Variants in IFT43 observed in about 807,000 individuals in gnomAD.
The protein encoded by IFT43 is intraflagellar transport 43.
IFT43 carries 33 observed loss-of-function variants against 32.3 expected under a neutral mutation model. That is an observed-to-expected ratio of 1.02 (90% CI 0.77 to 1.37). The LOEUF (loss-of-function observed/expected upper bound fraction) is 1.37, where lower values mean the gene tolerates loss of function less well. IFT43 is among the 40% of genes most tolerant of loss of function. IFT43 has a pLI of 0.00. For synonymous variants in IFT43, 93 were observed against 98.2 expected, an observed-to-expected ratio of 0.95 and a Z score of 0.31; for missense variants, 274 against 265.9, an observed-to-expected ratio of 1.03 and a Z score of -0.21.
chr14:76,022,568 T>C, intron 3 of IFT43, 174 bp downstream of exon 3: 1 of 508,206 alleles, frequency 2.0e-6, no homozygotes, highest in Admixed American at 3.6e-5. Context: ...CACAGAGTTG[T>C]GCAACCATTA....
chr14:76,060,131 G>A lies in IFT43; in HGVS notation c.295+758G>A, dbSNP rs376965079. On this transcript the variant is annotated intron_variant, in intron 5 of 8. Coordinates refer to ENST00000314067, the MANE Select transcript of IFT43 (RefSeq NM_001102564.3). The stretch of plus-strand genomic sequence containing the variant: ...GTGGAAGCCTATGTTCAAATATCAG[G>A]AGAAAAGATGAAGTTTGTGTGTGTC... 9.2e-5 allele frequency among the ~76,000 whole-genome samples: 14 copies of A among 152,346 alleles called. No individual in the cohort carries two copies. The Middle Eastern group carries it at 0.01, about 111-fold the overall frequency.
intron 2 of IFT43, among the ~76,000 whole-genome samples, chr14:76,003,671 C>T (rs532929671): frequency 5.9e-5 from 9 of 151,994 alleles, no homozygotes; most frequent in Admixed American, 2.6e-4. Context: ...AATGTGAGAC[C>T]CTTGCAGCCA....
At chr14:76,063,398 C>T (rs977504248) in intron 5 of IFT43, among the ~76,000 whole-genome samples, 1 of 152,214 alleles carries the variant, frequency 6.6e-6, no homozygotes, top group African/African-American at 2.4e-5. Context: ...CCATTAGCTC[C>T]CCAGTCTTTC....
rs2037417200 is a variant in IFT43 at position 76,076,604 on chromosome 14, C to A, written c.296-5691C>A. 9.9e-6 allele frequency: 16 copies of A among 1,614,022 alleles called. No individual in the cohort carries two copies. In the South Asian group the frequency reaches 1.6e-4, roughly 17 times the overall value. On this transcript the variant is annotated intron_variant, in intron 5 of 8. Coordinates refer to ENST00000314067, the MANE Select transcript of IFT43 (RefSeq NM_001102564.3). ...AGTCACTTTCTGTTCTAGCGGTACC[C>A]AAACAGGCAAACAACAGCTGGATCT...
intron 2 of IFT43, among the ~76,000 whole-genome samples, chr14:76,003,025 A>G (rs992225852): frequency 6.6e-6 from 1 of 152,228 alleles, no homozygotes; most frequent in Non-Finnish European, 1.5e-5. Flanking sequence ...TCTTCTTATT[A>G]TGTGACATGT....
intron 2 of IFT43, among the ~76,000 whole-genome samples, chr14:75,999,037 G>A (rs28654581): frequency 0.098 from 14,794 of 151,256 alleles, 729 homozygotes; most frequent in Middle Eastern, 0.19. Context: ...GCCTAGTTCC[G>A]ACATCTCTTT....
At chr14:76,015,299 C>T (rs145813201) in intron 2 of IFT43, among the ~76,000 whole-genome samples, 4 of 152,148 alleles carry the variant, frequency 2.6e-5, no homozygotes, top group African/African-American at 9.7e-5. Flanking sequence ...AGGCATTTCC[C>T]TCTAAATGCC....
chr14:76,070,431 A>C (rs371914132), intron 5 of IFT43, among the ~76,000 whole-genome samples: 1 of 152,218 alleles, frequency 6.6e-6, no homozygotes, highest in African/African-American at 2.4e-5. Context: ...GGAAACCCTG[A>C]TGGCTCAACT....
At position 75,986,258 on chromosome 14, in the gene IFT43, G is replaced by T. The variant is rs938459789; in HGVS notation, c.54+418G>T. On this transcript the variant is annotated intron_variant, in intron 1 of 8. Transcript: ENST00000314067. Reference sequence around the variant, plus strand: ...CGTCGCAGAAGTTCCTGCAAAAGCCGCACTGTTTTATGCATGGAAGGGAGG... The same window carrying T: ...CGTCGCAGAAGTTCCTGCAAAAGCCTCACTGTTTTATGCATGGAAGGGAGG... 20 of 1,288,238 alleles carry T rather than the reference G, an allele frequency of 1.6e-5. 1 individual carries two copies. The Admixed American group carries it at 3.2e-4, about 21-fold the overall frequency. The allele number at this position is 1,288,238 out of a possible 1,614,324, so 79.8% of individuals were successfully genotyped here.
At chr14:76,002,446 G>T (rs1251090799) in intron 2 of IFT43, among the ~76,000 whole-genome samples, 1 of 152,096 alleles carries the variant, frequency 6.6e-6, no homozygotes, top group Non-Finnish European at 1.5e-5. Flanking sequence ...GAAGGAAGTT[G>T]TTAGATGAGG....
chr14:76,071,359 A>C (rs1488639194), intron 5 of IFT43, among the ~76,000 whole-genome samples: 1 of 152,188 alleles, frequency 6.6e-6, no homozygotes, highest in Non-Finnish European at 1.5e-5. Flanking sequence ...TAATCCTCAC[A>C]ATTCTAAGGA....
At chr14:76,033,079 G>C (rs1257240048) in intron 3 of IFT43, among the ~76,000 whole-genome samples, 1 of 152,204 alleles carries the variant, frequency 6.6e-6, no homozygotes, top group Non-Finnish European at 1.5e-5. Flanking sequence ...GAGAAGACAA[G>C]GACAGATCAT....
At chr14:76,051,222 A>G (rs1418824935) in intron 3 of IFT43, among the ~76,000 whole-genome samples, 1 of 147,646 alleles carries the variant, frequency 6.8e-6, no homozygotes, top group African/African-American at 2.5e-5. Flanking sequence ...ACCTAGCGGC[A>G]TATACTAGAT....
intron 5 of IFT43, among the ~76,000 whole-genome samples, chr14:76,071,754 A>G (rs1041394632): frequency 8.5e-5 from 13 of 152,224 alleles, no homozygotes; most frequent in Admixed American, 5.9e-4. Context: ...ATAAGAATGT[A>G]TAATTTCATC....
chr14:76,037,617 A>T lies in IFT43; in HGVS notation c.215+15223A>T, dbSNP rs569304987. ...AAAAGTTGCAGTATTAGTACAGCAA[A>T]CACCCATGCACACTTTTACCTTGAA... On this transcript the variant is annotated intron_variant, in intron 3 of 8. Transcript: ENST00000314067. 1.0e-3 allele frequency among the ~76,000 whole-genome samples: 157 copies of T among 152,154 alleles called. 1 individual carries two copies. The highest frequency in any genetic ancestry group is 3.5e-3 in the African/African-American group (147 of 41,498).
rs1468511624 is a variant in IFT43 at position 76,041,510 on chromosome 14, C to T, written c.216-17132C>T. ...CTTGCCAGGGTCTTCTTGAACCCCT[C>T]CAGCTGGGGAACTTGGTAGAAACAG... On this transcript the variant is annotated intron_variant, in intron 3 of 8. Coordinates refer to ENST00000314067, the MANE Select transcript of IFT43 (RefSeq NM_001102564.3). 2.6e-5 allele frequency among the ~76,000 whole-genome samples: 4 copies of T among 152,216 alleles called. No individual in the cohort carries two copies. The South Asian group carries it at 6.2e-4, about 24-fold the overall frequency.
intron 3 of IFT43, among the ~76,000 whole-genome samples, chr14:76,032,786 A>G (rs901372033): frequency 6.6e-6 from 1 of 152,184 alleles, no homozygotes; most frequent in Non-Finnish European, 1.5e-5. Flanking sequence ...AGCCTAAACC[A>G]GGGCCATGTT....
At chr14:76,034,351 A>G (rs1204875310) in intron 3 of IFT43, among the ~76,000 whole-genome samples, 1 of 152,174 alleles carries the variant, frequency 6.6e-6, no homozygotes, top group South Asian at 2.1e-4. Context: ...TGTCCCCATC[A>G]TGAGGGCTCC....
rs45475091 is a variant in IFT43, at chr14:76,076,715, C to T, written c.296-5580C>T. On this transcript the variant is annotated intron_variant, in intron 5 of 8. Transcript: ENST00000314067. Reference sequence around the variant, plus strand: ...AGGTAGGCTTTTGACTGTCAGTCTACGGGAACTGAAAAGGATCCTTCTGGG... The same window carrying T: ...AGGTAGGCTTTTGACTGTCAGTCTATGGGAACTGAAAAGGATCCTTCTGGG... 72 of 1,613,594 alleles carry T rather than the reference C, an allele frequency of 4.5e-5. 1 individual carries two copies. In the South Asian group the frequency reaches 4.7e-4, roughly 11 times the overall value.
Sources: gnomAD v4.1 joint callset for allele counts (sites outside exome capture counted in the v4.1 genomes callset) on GRCh38, gnomAD v4.1.1 for gene constraint, MANE v1.5 for transcripts, NCBI Gene and HGNC (gene_info 2026-07-23, HGNC 2026-07-21) for gene names.